Variants in DLC1 observed in about 807,000 individuals in gnomAD.
The protein encoded by DLC1 is rho GTPase-activating protein 7.
DLC1 carries 54 observed loss-of-function variants against 140.3 expected under a neutral mutation model. The ratio of observed to expected loss-of-function variants is 0.38; its 90% CI spans 0.31 to 0.48. DLC1 has a LOEUF of 0.48. Ranked by LOEUF, DLC1 falls within the 20% of genes least tolerant of loss-of-function variation. The pLI, the probability that DLC1 is intolerant of heterozygous loss-of-function variation, is 0.96. For synonymous variants in DLC1, 986 were observed against 728.1 expected (o/e 1.35, Z -5.70); for missense variants, 2,536 against 1,907.0 (o/e 1.33, Z -6.14).
At chr8:13,535,203 G>C (rs1391733154) in intron 1 of DLC1, among the ~76,000 whole-genome samples, 1 of 152,048 alleles carries the variant, frequency 6.6e-6, no homozygotes, top group Admixed American at 6.6e-5. Context: ...AGAAAAATAA[G>C]TCGGGACAAG....
intron 2 of DLC1, among the ~76,000 whole-genome samples, chr8:13,426,503 C>T (rs1398835590): frequency 6.6e-6 from 1 of 152,130 alleles, no homozygotes; most frequent in East Asian, 1.9e-4. Flanking sequence ...CCTTGACACT[C>T]TAAATTCAAA....
chr8:13,520,553 A>G (rs1202467206), intron 1 of DLC1, among the ~76,000 whole-genome samples: 1 of 152,176 alleles, frequency 6.6e-6, no homozygotes, highest in Non-Finnish European at 1.5e-5. Flanking sequence ...GCAAACCACC[A>G]TGGCACGTGT....
At position 13,388,691 on chromosome 8, in the gene DLC1, C is replaced by G. The variant is rs995363159; in HGVS notation, c.1314+4862G>C. Among the ~76,000 whole-genome samples, 2 of 151,768 alleles carry G rather than the reference C, an allele frequency of 1.3e-5. 1 individual carries two copies. Among genetic ancestry groups the G allele is most frequent in the South Asian group, 4.2e-4 (2 of 4,804 alleles). The stretch of plus-strand genomic sequence containing the variant: ...ATAACATCTGATGTGAATATATGTA[C>G]ACACACAAGGACACAAATATATGCA... On this transcript the variant is annotated intron_variant, in intron 4 of 17. Coordinates refer to ENST00000276297, the MANE Select transcript of DLC1 (RefSeq NM_182643.3).
At chr8:13,289,350 C>G (rs1240119630) in intron 5 of DLC1, among the ~76,000 whole-genome samples, 1 of 152,062 alleles carries the variant, frequency 6.6e-6, no homozygotes, top group Non-Finnish European at 1.5e-5. Context: ...GCCTTTGCAC[C>G]TGGTTAAATT....
chr8:13,413,256 A>ATTTTGTTTTTTTTTTTTTTTTT (rs1837875734), intron 2 of DLC1, among the ~76,000 whole-genome samples: 1 of 82,006 alleles, frequency 1.2e-5, no homozygotes, highest in Non-Finnish European at 2.3e-5. Context: ...TTTTTTTGCG[A>ATTTTGTTTTTTTTTTTTTTTTT]TTTTTTTTTT....
chr8:13,464,746 TTATATATATATATATATATTTA>T (rs1187889322), intron 2 of DLC1, among the ~76,000 whole-genome samples: 3,459 of 130,880 alleles, frequency 0.026, 68 homozygotes, highest in Middle Eastern at 0.046. Context: ...GAATTTTAAA[TTATATATATATATATATATTTA>T]TATATATATA....
chr8:13,414,151 A>G (rs569001681), intron 2 of DLC1, among the ~76,000 whole-genome samples: 27 of 152,194 alleles, frequency 1.8e-4, no homozygotes, highest in Non-Finnish European at 3.8e-4. Context: ...TTTTTCATAT[A>G]CTATCTTTTT....
Position 13,090,275 on chromosome 8 carries a change from G to T in DLC1, c.4051C>A (p.Gln1351Lys), listed in dbSNP as rs563949878. The change falls in exon 15 of 18, where the codon CAG becomes AAG. Residue 1351 changes from glutamine to lysine, a missense_variant. Physicochemically the swap from Gln to Lys is moderately conservative, Grantham distance 53. Coordinates refer to ENST00000276297, the MANE Select transcript of DLC1 (RefSeq NM_182643.3). Reference sequence around the variant, plus strand: ...ACCTTCTTATAGGACAGCTCAGCCTGCTCCGAAGTGGAGTAGCTGACCCAG... The same window carrying T: ...ACCTTCTTATAGGACAGCTCAGCCTTCTCCGAAGTGGAGTAGCTGACCCAG... The part of the protein sequence containing the change: ...KGWVSYSTSE[Q>K]AELSYKKVSE... 1 of 1,614,130 alleles carries T rather than the reference G, an allele frequency of 6.2e-7. No homozygotes were observed. Among genetic ancestry groups the T allele is most frequent in the South Asian group, 1.1e-5 (1 of 91,082 alleles).
At chr8:13,569,822 G>A (rs1393476557) in intron 1 of DLC1, among the ~76,000 whole-genome samples, 3 of 152,188 alleles carry the variant, frequency 2.0e-5, no homozygotes, top group Non-Finnish European at 2.9e-5. Context: ...CTAGGATTCA[G>A]GTGATCCTCT....
chr8:13,133,567 C>G (rs1279088237), intron 5 of DLC1: 1 of 150,528 alleles, frequency 6.6e-6, no homozygotes, highest in African/African-American at 2.5e-5. Context: ...CCCCGCGCCT[C>G]CTCCGCCGAA....
intron 5 of DLC1, among the ~76,000 whole-genome samples, chr8:13,208,222 T>C (rs1827769046): frequency 6.6e-6 from 1 of 152,176 alleles, no homozygotes; most frequent in South Asian, 2.1e-4. Context: ...TTCATGAGGT[T>C]ATATATGTAT....
At chr8:13,538,220 T>C (rs1335932595) in intron 1 of DLC1, among the ~76,000 whole-genome samples, 2 of 152,096 alleles carry the variant, frequency 1.3e-5, no homozygotes, top group East Asian at 1.9e-4. Context: ...TTTCATGCTG[T>C]TTTTCTCCTC....
At chr8:13,286,692 A>C (rs979603317) in intron 5 of DLC1, among the ~76,000 whole-genome samples, 1 of 151,416 alleles carries the variant, frequency 6.6e-6, no homozygotes, top group Non-Finnish European at 1.5e-5. Context: ...ATAGCCAAAA[A>C]CCTTTTCTTA....
At chr8:13,154,053 G>A (rs1426639567) in intron 5 of DLC1, among the ~76,000 whole-genome samples, 2 of 152,048 alleles carry the variant, frequency 1.3e-5, no homozygotes, top group Non-Finnish European at 2.9e-5. Flanking sequence ...GATACAGAGT[G>A]CTGATTGGTG....
At chr8:13,086,247 T>G (rs1470912144) in intron 17 of DLC1, 43 bp downstream of exon 17, 3 of 1,579,218 alleles carry the variant, frequency 1.9e-6, no homozygotes, top group Non-Finnish European at 2.6e-6. Flanking sequence ...CAGAATTTCC[T>G]TCATGACCCT....
At chr8:13,188,074 G>C (rs1284396166) in intron 5 of DLC1, among the ~76,000 whole-genome samples, 2 of 142,302 alleles carry the variant, frequency 1.4e-5, no homozygotes, top group Non-Finnish European at 3.0e-5. Flanking sequence ...CCATACAACA[G>C]TGGCAATTTT....
chr8:13,124,888 A>C (rs753259474), intron 5 of DLC1, among the ~76,000 whole-genome samples: 10 of 152,224 alleles, frequency 6.6e-5, no homozygotes, highest in Non-Finnish European at 1.2e-4. Context: ...GACCACTAGA[A>C]ACTGCTACAA....
At chr8:13,225,444 C>A (rs996219592) in intron 5 of DLC1, among the ~76,000 whole-genome samples, 2 of 152,084 alleles carry the variant, frequency 1.3e-5, no homozygotes, top group Non-Finnish European at 2.9e-5. Context: ...CTGCAAAGGT[C>A]TTTCTGACCT....
intron 5 of DLC1, among the ~76,000 whole-genome samples, chr8:13,189,824 G>A (rs1826639418): frequency 6.6e-6 from 1 of 152,080 alleles, no homozygotes; most frequent in African/African-American, 2.4e-5. Context: ...AGAGGTTGCG[G>A]TGAGCCAAGA....
Sources: allele counts gnomAD v4.1 joint callset (sites outside exome capture counted in the v4.1 genomes callset), GRCh38; gene constraint gnomAD v4.1.1; transcripts MANE v1.5; gene names NCBI Gene and HGNC (gene_info 2026-07-23, HGNC 2026-07-21).